GPBP1: variants seen among roughly 807,000 people sequenced by gnomAD.
The protein encoded by GPBP1 is GC-rich promoter binding protein 1.
A neutral mutation model predicts 56.5 loss-of-function variants in GPBP1; 13 were observed. The observed-to-expected ratio is 0.23, with a 90% CI of 0.15 to 0.37. The LOEUF is 0.37. Ranked by LOEUF, GPBP1 falls within the 10% of genes least tolerant of loss-of-function variation. The pLI, the probability that GPBP1 is intolerant of heterozygous loss-of-function variation, is 1.00. For missense variants in GPBP1, 477 were observed against 572.3 expected (o/e 0.83, Z 1.70); for synonymous variants, 204 against 188.9 (o/e 1.08, Z -0.66).
chr5:57,220,533 C>T (rs1197656517), intron 3 of GPBP1, among the ~76,000 whole-genome samples: 2 of 150,298 alleles, frequency 1.3e-5, no homozygotes, highest in Non-Finnish European at 2.9e-5. Flanking sequence ...GATCTCTGCT[C>T]ACTGTAACCT....
chr5:57,240,229 C>A (rs1466675280), intron 6 of GPBP1, among the ~76,000 whole-genome samples: 1 of 152,154 alleles, frequency 6.6e-6, no homozygotes, highest in Non-Finnish European at 1.5e-5. Context: ...CCAGCCTGGG[C>A]AACAGAGCAA....
At chr5:57,231,362 AG>A in intron 5 of GPBP1, 41 bp downstream of exon 5, 1 of 1,514,988 alleles carries the variant, frequency 6.6e-7, no homozygotes, top group Non-Finnish European at 9.1e-7. Flanking sequence ...AGTTTCTGTA[AG>A]TGCTATTTTA....
chr5:57,195,674 G>C (rs1355984748), intron 2 of GPBP1, among the ~76,000 whole-genome samples: 1 of 152,038 alleles, frequency 6.6e-6, no homozygotes, highest in African/African-American at 2.4e-5. Context: ...CTTTAAGCCC[G>C]AAGGTTTTTT....
intron 2 of GPBP1, among the ~76,000 whole-genome samples, chr5:57,210,214 C>T (rs567699950): frequency 8.5e-5 from 13 of 152,098 alleles, no homozygotes; most frequent in Non-Finnish European, 1.6e-4. Flanking sequence ...AAAAGTCAGG[C>T]ATGTGCACTT....
chr5:57,253,987 G>A (rs928510182), intron 10 of GPBP1, among the ~76,000 whole-genome samples: 4 of 152,070 alleles, frequency 2.6e-5, no homozygotes, highest in African/African-American at 9.7e-5. Flanking sequence ...GTCCAGCCTG[G>A]AGTGCAGTGG....
At chr5:57,229,962 C>CGTCCCGTCCCGTCCT (rs1229736181) in intron 3 of GPBP1, among the ~76,000 whole-genome samples, 5 of 150,494 alleles carry the variant, frequency 3.3e-5, no homozygotes, top group African/African-American at 5.0e-5. Context: ...CGTCCCGTCC[C>CGTCCCGTCCCGTCCT]GTCCCGTCCC....
At chr5:57,212,003 C>A (rs1755508097) in intron 2 of GPBP1, among the ~76,000 whole-genome samples, 2 of 151,970 alleles carry the variant, frequency 1.3e-5, no homozygotes, top group African/African-American at 4.8e-5. Flanking sequence ...GTGGCGCGAT[C>A]TCGGCTCACT....
chr5:57,261,345 A>G (rs1741884843), intron 11 of GPBP1, 63 bp downstream of exon 11: 1 of 882,882 alleles, frequency 1.1e-6, no homozygotes, highest in African/African-American at 1.7e-5. Flanking sequence ...CAATATAATT[A>G]TATGTAAGCA....
intron 3 of GPBP1, among the ~76,000 whole-genome samples, chr5:57,219,052 T>A (rs1447954746): frequency 6.6e-6 from 1 of 151,932 alleles, no homozygotes; most frequent in Non-Finnish European, 1.5e-5. Context: ...TGGAATTCTG[T>A]AAAATGAGTA....
intron 6 of GPBP1, chr5:57,237,044 T>G: frequency 2.7e-6 from 3 of 1,118,292 alleles, no homozygotes; most frequent in Non-Finnish European, 4.0e-6. Context: ...TCAGACACTT[T>G]TGTTAGAACC....
At chr5:57,228,437 A>G (rs1354738643) in intron 3 of GPBP1, among the ~76,000 whole-genome samples, 3 of 150,916 alleles carry the variant, frequency 2.0e-5, no homozygotes, top group Non-Finnish European at 4.4e-5. Flanking sequence ...CCTGGGTGAC[A>G]GAGCGAGACT....
At chr5:57,230,562 G>GT in intron 3 of GPBP1, 1 of 345,704 alleles carries the variant, frequency 2.9e-6, no homozygotes, top group Middle Eastern at 9.0e-4. Context: ...GAGAAACATC[G>GT]TATTTTAACT....
At chr5:57,209,459 G>A (rs1397599101) in intron 2 of GPBP1, among the ~76,000 whole-genome samples, 1 of 152,168 alleles carries the variant, frequency 6.6e-6, no homozygotes. Context: ...TTGCACTGTG[G>A]TGGCTCAGGA....
chr5:57,231,264 T>A lies in GPBP1; in HGVS notation c.354T>A (p.Asn118Lys). Residue 118 changes from asparagine to lysine, a missense_variant, in exon 5 of 12, where the codon AAT becomes AAA. Transcript: ENST00000506184. ...QGLHENNIPD[N>K]ETGRKEDKRE... ...TACATGAAAACAACATACCTGACAA[T>A]GAAACCGGGAGGAAAGAAGACAAGA... The A allele has an allele frequency of 6.2e-7, 1 of 1,614,046 alleles. No homozygotes were observed. The highest frequency in any genetic ancestry group is 1.1e-5 in the South Asian group (1 of 91,076).
rs757903247 is a variant in GPBP1 at position 57,231,270 on chromosome 5, C to G, written c.360C>G (p.Thr120=). 23 of 1,613,786 alleles carry G rather than the reference C, an allele frequency of 1.4e-5. 1 individual carries two copies. The South Asian group carries it at 2.5e-4, about 18-fold the overall frequency. ...AAAACAACATACCTGACAATGAAAC[C>G]GGGAGGAAAGAAGACAAGAGAGAAC... ...LHENNIPDNE[T]GRKEDKRERK... is the part of the protein sequence containing the mutation. Residue 120 remains threonine (T), a synonymous_variant, in exon 5 of 12, where the codon ACC becomes ACG. Transcript: ENST00000506184.
intron 2 of GPBP1, among the ~76,000 whole-genome samples, chr5:57,212,349 T>C (rs1013204548): frequency 6.6e-6 from 1 of 152,244 alleles, no homozygotes; most frequent in Middle Eastern, 3.2e-3. Context: ...TGAAAATCTT[T>C]TATAAATTTT....
intron 5 of GPBP1, among the ~76,000 whole-genome samples, chr5:57,234,278 A>G (rs1287576057): frequency 5.3e-5 from 8 of 152,202 alleles, no homozygotes; most frequent in Admixed American, 4.6e-4. Flanking sequence ...AATACTGGAA[A>G]TTTAGGATTT....
intron 6 of GPBP1, 99 bp downstream of exon 6, chr5:57,236,131 A>C (rs1756652879): frequency 2.6e-6 from 2 of 766,788 alleles, no homozygotes; most frequent in South Asian, 3.3e-5. Context: ...CTAGAATAAA[A>C]CTTTCTTTTT....
At chr5:57,177,805 T>C (rs1044462447) in intron 2 of GPBP1, among the ~76,000 whole-genome samples, 2 of 151,846 alleles carry the variant, frequency 1.3e-5, no homozygotes, top group Non-Finnish European at 2.9e-5. Context: ...CCGGCTGAGA[T>C]TGCAATTTTT....
Sources: allele counts gnomAD v4.1 joint callset (sites outside exome capture counted in the v4.1 genomes callset), GRCh38; gene constraint gnomAD v4.1.1; transcripts MANE v1.5; gene names NCBI Gene and HGNC (gene_info 2026-07-23, HGNC 2026-07-21).